The following ARHGAP5 variants were observed in gnomAD, a reference collection of about 807,000 sequenced individuals.
ARHGAP5 encodes the protein rho GTPase-activating protein 5.
Under a neutral mutation model 116.6 loss-of-function variants are expected in ARHGAP5, and 23 were observed. The observed-to-expected ratio is 0.20, with a 90% CI of 0.14 to 0.28. The LOEUF is 0.28. ARHGAP5 is among the 10% of genes least tolerant of loss of function. The pLI, the probability that ARHGAP5 is intolerant of heterozygous loss-of-function variation, is 1.00. For synonymous variants in ARHGAP5, 574 were observed against 602.0 expected (o/e 0.95, Z 0.68); for missense variants, 1,405 against 1,774.8 (o/e 0.79, Z 3.74).
chr14:32,081,567 A>G (rs887216253), intron 1 of ARHGAP5, among the ~76,000 whole-genome samples: 2 of 151,794 alleles, frequency 1.3e-5, no homozygotes, highest in Non-Finnish European at 1.5e-5. Context: ...AAAAAAAAAA[A>G]AAAAGATGTA....
In ARHGAP5 at chr14:32,112,375, TTTC is replaced by T. The variant is rs1172391058; in HGVS notation, c.3718-4758_3718-4756del. The stretch of plus-strand genomic sequence containing the variant: ...AAGAGCAGTTTCTGGAAAGGGCTGT[TTTC>T]TTCTTCCTAGTCATGTTTACGTATA... On this transcript the variant is annotated intron_variant, in intron 2 of 6. Transcript: ENST00000345122. Among the ~76,000 whole-genome samples, 9 of 152,314 alleles carry T rather than the reference TTTC, an allele frequency of 5.9e-5. No homozygotes were observed. In the South Asian group the frequency reaches 1.9e-3, roughly 32 times the overall value.
chr14:32,119,081 T>G (rs1879749339), intron 3 of ARHGAP5, among the ~76,000 whole-genome samples: 1 of 152,114 alleles, frequency 6.6e-6, no homozygotes, highest in Admixed American at 6.5e-5. Flanking sequence ...AATAAAAGAT[T>G]AAACTAGTTC....
intron 3 of ARHGAP5, among the ~76,000 whole-genome samples, chr14:32,143,991 C>A (rs772470996): frequency 6.6e-6 from 1 of 152,144 alleles, no homozygotes; most frequent in Non-Finnish European, 1.5e-5. Flanking sequence ...ACCAAGTGTT[C>A]CTTGAGGTGC....
chr14:32,143,208 T>A (rs1161394738), intron 3 of ARHGAP5, among the ~76,000 whole-genome samples: 1 of 134,454 alleles, frequency 7.4e-6, no homozygotes, highest in African/African-American at 3.2e-5. Flanking sequence ...TTTTAGTTGT[T>A]GTTGTTGTTG....
Position 32,156,692 on chromosome 14 carries a change from T to C in ARHGAP5, c.*1744T>C, listed in dbSNP as rs1270285123. 1 of 152,408 alleles carries C rather than the reference T, an allele frequency of 6.6e-6. No homozygotes were observed. Among genetic ancestry groups the C allele is most frequent in the Non-Finnish European group, 1.5e-5 (1 of 67,836 alleles). The allele number at this position is 152,408 out of a possible 1,614,324, so 9.4% of individuals were successfully genotyped here. A position where few individuals can be genotyped will look rare whatever the true frequency, so the allele number is the denominator to read the frequency against. On this transcript the variant is annotated 3_prime_UTR_variant, in exon 7 of 7. Coordinates refer to ENST00000345122, the MANE Select transcript of ARHGAP5 (RefSeq NM_001030055.2). ...TGTTCTATATTACTTATACCTATTG[T>C]CTATATAGCTTTAATTTATAGTTGT... is the stretch of plus-strand genomic sequence containing the variant.
chr14:32,110,182 G>A (rs942699173), intron 2 of ARHGAP5, among the ~76,000 whole-genome samples: 1 of 150,446 alleles, frequency 6.6e-6, no homozygotes, highest in African/African-American at 2.5e-5. Flanking sequence ...CTGCCCTTGT[G>A]TAGAGCTTAA....
At chr14:32,125,639 G>GT (rs1255304662) in intron 3 of ARHGAP5, among the ~76,000 whole-genome samples, 1 of 152,174 alleles carries the variant, frequency 6.6e-6, no homozygotes, top group African/African-American at 2.4e-5. Context: ...GCCAACACTT[G>GT]TATGTGTTCT....
intron 1 of ARHGAP5, among the ~76,000 whole-genome samples, chr14:32,083,507 C>G (rs533879021): frequency 1.3e-4 from 20 of 152,322 alleles, no homozygotes; most frequent in Non-Finnish European, 2.2e-4. Context: ...CTTGTACTTT[C>G]ATTTCTTTGA....
chr14:32,102,992 GC>G (rs1878858184), intron 2 of ARHGAP5, among the ~76,000 whole-genome samples: 1 of 152,124 alleles, frequency 6.6e-6, no homozygotes, highest in Admixed American at 6.5e-5. Context: ...AACAAGTTTA[GC>G]CAGACTTCTG....
intron 3 of ARHGAP5, among the ~76,000 whole-genome samples, chr14:32,125,358 A>G (rs532848255): frequency 6.6e-6 from 1 of 152,170 alleles, no homozygotes; most frequent in Non-Finnish European, 1.5e-5. Flanking sequence ...ACATACATGC[A>G]CACACATTTT....
At chr14:32,131,252 C>CTT (rs71441705) in intron 3 of ARHGAP5, among the ~76,000 whole-genome samples, 1 of 103,924 alleles carries the variant, frequency 9.6e-6, no homozygotes, top group African/African-American at 3.3e-5. Flanking sequence ...TGTCATACTT[C>CTT]TTTTTTTTTT....
At chr14:32,117,641 G>A (rs974478528) in intron 3 of ARHGAP5, among the ~76,000 whole-genome samples, 3 of 152,130 alleles carry the variant, frequency 2.0e-5, no homozygotes, top group South Asian at 2.1e-4. Flanking sequence ...GTGCAATGCT[G>A]TTTACTTTCA....
At chr14:32,106,206 C>G (rs1301429350) in intron 2 of ARHGAP5, among the ~76,000 whole-genome samples, 1 of 152,180 alleles carries the variant, frequency 6.6e-6, no homozygotes, top group Non-Finnish European at 1.5e-5. Context: ...ACTGCAACCT[C>G]TGCCTCCCAG....
intron 3 of ARHGAP5, among the ~76,000 whole-genome samples, chr14:32,123,355 TA>T: frequency 6.6e-6 from 1 of 152,148 alleles, no homozygotes; most frequent in East Asian, 1.9e-4. Context: ...AGGAATTGTT[TA>T]AAACTTTTTT....
intron 3 of ARHGAP5, among the ~76,000 whole-genome samples, chr14:32,127,938 C>T (rs1043113673): frequency 2.7e-4 from 40 of 150,432 alleles, no homozygotes; most frequent in Admixed American, 2.3e-3. Flanking sequence ...TGGTCACGGC[C>T]GGGCAGAGGT....
chr14:32,109,605 A>G (rs1024914860), intron 2 of ARHGAP5, among the ~76,000 whole-genome samples: 1 of 152,126 alleles, frequency 6.6e-6, no homozygotes, highest in Admixed American at 6.6e-5. Flanking sequence ...GTTTTACAAT[A>G]TTCATTGTTC....
At chr14:32,152,393 C>T in intron 5 of ARHGAP5, 30 bp from the exon 6 acceptor site, 1 of 1,416,152 alleles carries the variant, frequency 7.1e-7, no homozygotes, top group East Asian at 2.3e-5. Context: ...GTAAGTTTTA[C>T]ACAGATTCTT....
chr14:32,077,868 C>A (rs1008932158), intron 1 of ARHGAP5, among the ~76,000 whole-genome samples: 2 of 152,066 alleles, frequency 1.3e-5, no homozygotes, highest in Non-Finnish European at 2.9e-5. Context: ...AAAGGGTACA[C>A]GGGGCGGGTG....
At chr14:32,088,156 A>G (rs1023812685) in intron 1 of ARHGAP5, among the ~76,000 whole-genome samples, 14 of 152,078 alleles carry the variant, frequency 9.2e-5, no homozygotes, top group African/African-American at 3.4e-4. Context: ...TTGGGTAAGC[A>G]TATATGACTG....
Sources: allele counts gnomAD v4.1 joint callset (sites outside exome capture counted in the v4.1 genomes callset), GRCh38; gene constraint gnomAD v4.1.1; transcripts MANE v1.5; gene names NCBI Gene and HGNC (gene_info 2026-07-23, HGNC 2026-07-21).